Variants in DAPK1 observed in about 807,000 individuals in gnomAD.
DAPK1 encodes the protein death associated protein kinase 1.
In DAPK1, 56 loss-of-function variants were observed where a neutral mutation model predicts 144.9. The observed-to-expected ratio is 0.39, with a 90% CI of 0.31 to 0.48. The LOEUF is 0.48. Among genes scored for constraint, DAPK1 ranks in the 20% least tolerant of loss-of-function variants. The pLI, the probability that DAPK1 is intolerant of heterozygous loss-of-function variation, is 0.95. For missense variants in DAPK1, 1,454 were observed against 1,875.4 expected (o/e 0.78, Z 4.15); for synonymous variants, 690 against 749.0 (o/e 0.92, Z 1.29).
At chr9:87,538,543 C>A (rs1825935608) in intron 2 of DAPK1, among the ~76,000 whole-genome samples, 1 of 152,170 alleles carries the variant, frequency 6.6e-6, no homozygotes, top group Non-Finnish European at 1.5e-5. Flanking sequence ...CTGAAATCTT[C>A]AACAACACGG....
intron 2 of DAPK1, among the ~76,000 whole-genome samples, chr9:87,532,881 G>T (rs964956930): frequency 6.6e-6 from 1 of 151,948 alleles, no homozygotes; most frequent in Non-Finnish European, 1.5e-5. Context: ...TTCCTTTATC[G>T]CCTCTCTGTA....
rs1165714470 is a variant in DAPK1, at chr9:87,639,638, G to T, written c.554-12G>T. On this transcript the variant is annotated splice_polypyrimidine_tract_variant and intron_variant, in intron 5 of 25. Transcript: ENST00000408954. ...TTCCTCCCAAGCTAAATGAGTGTTT[G>T]TTTCCTCTTAGCTCCTGAGATAGTC... is the stretch of plus-strand genomic sequence containing the variant. 1 of 1,613,932 alleles carries T rather than the reference G, an allele frequency of 6.2e-7. No individual in the cohort carries two copies. Among genetic ancestry groups the T allele is most frequent in the African/African-American group, 1.3e-5 (1 of 74,922 alleles).
intron 2 of DAPK1, among the ~76,000 whole-genome samples, chr9:87,554,951 T>G (rs1315757949): frequency 1.3e-5 from 2 of 152,196 alleles, no homozygotes; most frequent in African/African-American, 4.8e-5. Flanking sequence ...TGGTATCAGT[T>G]GTAGAGGCCC....
At chr9:87,697,675 G>A (rs757190985) in intron 22 of DAPK1, among the ~76,000 whole-genome samples, 4 of 152,284 alleles carry the variant, frequency 2.6e-5, no homozygotes, top group African/African-American at 4.8e-5. Flanking sequence ...GAAAGAGGCC[G>A]GGTGCAGTGG....
chr9:87,618,815 G>A (rs1163499518), intron 3 of DAPK1, among the ~76,000 whole-genome samples: 1 of 152,180 alleles, frequency 6.6e-6, no homozygotes, highest in Non-Finnish European at 1.5e-5. Flanking sequence ...GGGTGATAAT[G>A]TTCTAAAATT....
At chr9:87,527,254 C>T (rs1304110937) in intron 2 of DAPK1, among the ~76,000 whole-genome samples, 2 of 152,198 alleles carry the variant, frequency 1.3e-5, no homozygotes, top group African/African-American at 2.4e-5. Context: ...GAGCATTGTA[C>T]GTCCTTGGGC....
chr9:87,641,910 A>G (rs1418006298), intron 9 of DAPK1, 59 bp from the exon 10 acceptor site: 7 of 1,392,900 alleles, frequency 5.0e-6, no homozygotes, highest in South Asian at 2.4e-5. Context: ...AAAAATTGTC[A>G]TATAACACAT....
intron 2 of DAPK1, among the ~76,000 whole-genome samples, chr9:87,524,036 T>C (rs1459150078): frequency 6.6e-6 from 1 of 152,240 alleles, no homozygotes; most frequent in Non-Finnish European, 1.5e-5. Context: ...GCAGTATCTC[T>C]ACTCAGCGAG....
At chr9:87,683,088 T>TTA (rs1817784057) in intron 20 of DAPK1, among the ~76,000 whole-genome samples, 1 of 147,320 alleles carries the variant, frequency 6.8e-6, no homozygotes, top group African/African-American at 2.5e-5. Context: ...TTTATTTATT[T>TTA]TTTTTTTTTT....
intron 18 of DAPK1, among the ~76,000 whole-genome samples, chr9:87,664,290 T>A (rs542772052): frequency 7.2e-5 from 11 of 152,124 alleles, no homozygotes; most frequent in Non-Finnish European, 1.5e-4. Context: ...TCTTTCACCC[T>A]GGAGCTCCCC....
intron 2 of DAPK1, among the ~76,000 whole-genome samples, chr9:87,563,031 C>T (rs10780860): frequency 0.39 from 59,415 of 151,996 alleles, 12,709 homozygotes; most frequent in African/African-American, 0.56. Flanking sequence ...GGTGATGATC[C>T]GCCTAGAGAT....
chr9:87,607,836 G>A (rs1828787124), intron 3 of DAPK1, among the ~76,000 whole-genome samples: 2 of 152,078 alleles, frequency 1.3e-5, no homozygotes. Context: ...GTTTGTATTA[G>A]TCCATTCTCA....
intron 2 of DAPK1, among the ~76,000 whole-genome samples, chr9:87,548,348 CTG>C (rs1249592228): frequency 6.6e-6 from 1 of 152,216 alleles, no homozygotes; most frequent in East Asian, 1.9e-4. Flanking sequence ...ACGTGGAACA[CTG>C]AACCTCAGTA....
intron 2 of DAPK1, among the ~76,000 whole-genome samples, chr9:87,559,612 AC>A (rs1361437872): frequency 6.6e-6 from 1 of 152,100 alleles, no homozygotes; most frequent in East Asian, 1.9e-4. Flanking sequence ...GACGCCTTGG[AC>A]TTGATTAGCA....
intron 2 of DAPK1, among the ~76,000 whole-genome samples, chr9:87,518,020 G>A (rs1825127240): frequency 6.6e-6 from 1 of 151,928 alleles, no homozygotes; most frequent in South Asian, 2.1e-4. Context: ...GTGGGTTTCT[G>A]AAAGAAAGCA....
chr9:87,679,851 C>T (rs1334595571), intron 19 of DAPK1, among the ~76,000 whole-genome samples: 1 of 152,036 alleles, frequency 6.6e-6, no homozygotes, highest in Non-Finnish European at 1.5e-5. Flanking sequence ...TTGGAGTGCC[C>T]CTTCTCTCAT....
chr9:87,509,754 G>T (rs1020905577), intron 2 of DAPK1, among the ~76,000 whole-genome samples: 1 of 152,236 alleles, frequency 6.6e-6, no homozygotes, highest in Non-Finnish European at 1.5e-5. Flanking sequence ...TCTACAGTCA[G>T]TGTGTGAACT....
intron 2 of DAPK1, among the ~76,000 whole-genome samples, chr9:87,553,240 A>T (rs1033914119): frequency 6.4e-5 from 9 of 141,206 alleles, no homozygotes; most frequent in Admixed American, 5.5e-4. Context: ...TGTGTCTGTC[A>T]TGTGGGGGGG....
chr9:87,619,210 A>G (rs564800871), intron 3 of DAPK1, among the ~76,000 whole-genome samples: 1 of 152,130 alleles, frequency 6.6e-6, no homozygotes, highest in Non-Finnish European at 1.5e-5. Flanking sequence ...TTGTTTTTGT[A>G]CTTGTGTTTT....
Sources: allele counts gnomAD v4.1 joint callset (sites outside exome capture counted in the v4.1 genomes callset), GRCh38; gene constraint gnomAD v4.1.1; transcripts MANE v1.5; gene names NCBI Gene and HGNC (gene_info 2026-07-23, HGNC 2026-07-21).